The following TM9SF4 variants were observed in gnomAD, a reference collection of about 807,000 sequenced individuals.
TM9SF4 encodes the protein dinucleotide oxidase disulfide thiol exchanger 3 superfamily member 4.
Under a neutral mutation model 90.4 loss-of-function variants are expected in TM9SF4, and 26 were observed. That is an observed-to-expected ratio of 0.29 (90% CI 0.21 to 0.40). The LOEUF (loss-of-function observed/expected upper bound fraction) is 0.40, where lower values mean the gene tolerates loss of function less well. TM9SF4 is among the 10% of genes least tolerant of loss of function. TM9SF4 has a pLI of 1.00. For synonymous variants in TM9SF4, 293 were observed against 315.4 expected (o/e 0.93, Z 0.75); for missense variants, 549 against 834.8 (o/e 0.66, Z 4.22).
chr20:32,121,678 C>G (rs1023514187), intron 1 of TM9SF4, among the ~76,000 whole-genome samples: 1 of 152,230 alleles, frequency 6.6e-6, no homozygotes, highest in Non-Finnish European at 1.5e-5. Flanking sequence ...TCCACAAAGC[C>G]GCCACTGTCA....
chr20:32,132,640 C>A (rs1042772204), intron 1 of TM9SF4, among the ~76,000 whole-genome samples: 1 of 152,172 alleles, frequency 6.6e-6, no homozygotes, highest in African/African-American at 2.4e-5. Flanking sequence ...GAACTAGTTG[C>A]TATACAGAGA....
rs779963293 is a variant in TM9SF4 at position 32,155,114 on chromosome 20, G to T, written c.1257G>T (p.Leu419=). 1 of 1,614,102 alleles carries T rather than the reference G, an allele frequency of 6.2e-7. No homozygotes were observed. The highest frequency in any genetic ancestry group is 1.7e-5 in the Admixed American group (1 of 60,022). The change falls in exon 13 of 18, where the codon CTG becomes CTT. Residue 419 remains leucine (L), a synonymous_variant. Transcript: ENST00000398022. ...WKKGAFCTAT[L]YPGVVFGICF... is the part of the protein sequence containing the mutation. ...CCCTCTTGCTCCAGACGGCAACTCTGTACCCTGGTGTGGTTTTTGGCATCT... is the reference window on the plus strand; with the variant it reads ...CCCTCTTGCTCCAGACGGCAACTCTTTACCCTGGTGTGGTTTTTGGCATCT...
rs541687591 is a variant in TM9SF4 at position 32,124,397 on chromosome 20, C to T, written c.16-8616C>T. ...TGGCAGTACAGTTCTTCTTGAACACCTCTAATCGTGACCTCAAACTGTCCC... is the reference window on the plus strand; with the variant it reads ...TGGCAGTACAGTTCTTCTTGAACACTTCTAATCGTGACCTCAAACTGTCCC... On this transcript the variant is annotated intron_variant, in intron 1 of 17. Transcript: ENST00000398022. Among the ~76,000 whole-genome samples, 17 of 152,160 alleles carry T rather than the reference C, an allele frequency of 1.1e-4. No homozygotes were observed. The East Asian group carries it at 3.3e-3, about 29-fold the overall frequency.
intron 1 of TM9SF4, among the ~76,000 whole-genome samples, chr20:32,115,690 T>C (rs1308248616): frequency 3.3e-5 from 5 of 152,190 alleles, no homozygotes; most frequent in Non-Finnish European, 5.9e-5. Flanking sequence ...GTGATTACTT[T>C]TGTGACTTTG....
At chr20:32,158,796 T>C (rs2046970155) in intron 15 of TM9SF4, among the ~76,000 whole-genome samples, 2 of 151,910 alleles carry the variant, frequency 1.3e-5, no homozygotes, top group Non-Finnish European at 1.5e-5. Context: ...GCCTGTCCAA[T>C]ATGGTGAAAC....
At position 32,148,307 on chromosome 20, in the gene TM9SF4, C is replaced by CT. The variant is rs563007550; in HGVS notation, c.955-1320dup. ...CATCATATTAGCACAGACTTTTTTT[C>CT]TTTTTTTAACAGTACTAATTGTTGG... On this transcript the variant is annotated intron_variant, in intron 9 of 17. Coordinates refer to ENST00000398022, the MANE Select transcript of TM9SF4 (RefSeq NM_014742.4). Among the ~76,000 whole-genome samples, 6 of 152,152 alleles carry CT rather than the reference C, an allele frequency of 3.9e-5. No individual in the cohort carries two copies. The South Asian group carries it at 1.2e-3, about 32-fold the overall frequency.
intron 3 of TM9SF4, among the ~76,000 whole-genome samples, chr20:32,138,739 A>G (rs2046629107): frequency 6.6e-6 from 1 of 152,248 alleles, no homozygotes; most frequent in Non-Finnish European, 1.5e-5. Flanking sequence ...TAATTTTTAA[A>G]TATCAAGAAG....
At chr20:32,161,508 G>C (rs1481830031) in intron 17 of TM9SF4, 143 bp downstream of exon 17, 2 of 658,240 alleles carry the variant, frequency 3.0e-6, no homozygotes, top group African/African-American at 3.6e-5. Flanking sequence ...AACTGTTCCT[G>C]CTCTAGAAGA....
At chr20:32,156,005 T>G (rs971384105) in intron 13 of TM9SF4, among the ~76,000 whole-genome samples, 1 of 152,184 alleles carries the variant, frequency 6.6e-6, no homozygotes, top group African/African-American at 2.4e-5. Context: ...TTATAAACAT[T>G]CACTGTAGAA....
intron 3 of TM9SF4, 132 bp from the exon 4 acceptor site, chr20:32,141,365 C>T: frequency 1.9e-6 from 2 of 1,069,336 alleles, no homozygotes; most frequent in Non-Finnish European, 2.7e-6. Flanking sequence ...AGGGCATTGG[C>T]TGCCAGGCTG....
At chr20:32,116,856 CTTTTTCTTT>C (rs1555880954) in intron 1 of TM9SF4, among the ~76,000 whole-genome samples, 4 of 99,974 alleles carry the variant, frequency 4.0e-5, no homozygotes, top group South Asian at 3.1e-4. Context: ...CTCCTTTTTC[CTTTTTCTTT>C]TTTTTTTTTT....
chr20:32,158,345 C>T (rs548063159), intron 14 of TM9SF4, 106 bp from the exon 15 acceptor site: 1 of 1,084,812 alleles, frequency 9.2e-7, no homozygotes, highest in African/African-American at 1.6e-5. Flanking sequence ...AGAATTAGCA[C>T]CACCACACTC....
intron 1 of TM9SF4, among the ~76,000 whole-genome samples, chr20:32,122,044 C>T (rs2046322187): frequency 7.1e-6 from 1 of 141,508 alleles, no homozygotes; most frequent in Non-Finnish European, 1.5e-5. Context: ...CCCCCCACCT[C>T]CCTCCGGGAC....
At chr20:32,131,698 G>A (rs536284771) in intron 1 of TM9SF4, among the ~76,000 whole-genome samples, 51 of 152,302 alleles carry the variant, frequency 3.3e-4, no homozygotes, top group African/African-American at 1.1e-3. Flanking sequence ...TGATTTAGGC[G>A]TGTGGAAGAC....
intron 1 of TM9SF4, among the ~76,000 whole-genome samples, chr20:32,132,588 T>C (rs1191606286): frequency 6.6e-6 from 1 of 152,118 alleles, no homozygotes; most frequent in East Asian, 1.9e-4. Flanking sequence ...TGGAGAAACT[T>C]GTAGGAACAT....
chr20:32,146,729 G>A, intron 8 of TM9SF4, 56 bp from the exon 9 acceptor site: 1 of 1,556,474 alleles, frequency 6.4e-7, no homozygotes, highest in Non-Finnish European at 8.9e-7. Context: ...AGGGCATGGA[G>A]CATGGGCTTG....
chr20:32,115,979 G>A (rs1459342499), intron 1 of TM9SF4, among the ~76,000 whole-genome samples: 2 of 151,644 alleles, frequency 1.3e-5, no homozygotes, highest in East Asian at 1.9e-4. Flanking sequence ...GTGCCACCAC[G>A]CCTGGCTAAT....
intron 6 of TM9SF4, among the ~76,000 whole-genome samples, chr20:32,144,138 G>A (rs2046724457): frequency 6.6e-6 from 1 of 152,126 alleles, no homozygotes; most frequent in African/African-American, 2.4e-5. Context: ...TAGAGACGGG[G>A]TTTCACCATG....
intron 5 of TM9SF4, 40 bp downstream of exon 5, chr20:32,141,935 A>G (rs928277870): frequency 2.5e-6 from 4 of 1,612,392 alleles, no homozygotes; most frequent in Non-Finnish European, 3.4e-6. Context: ...CGGGAGCCAC[A>G]CCTCACGAGT....
Sources: gnomAD v4.1 joint callset for allele counts (sites outside exome capture counted in the v4.1 genomes callset) on GRCh38, gnomAD v4.1.1 for gene constraint, MANE v1.5 for transcripts, NCBI Gene and HGNC (gene_info 2026-07-23, HGNC 2026-07-21) for gene names.